DLG2: variants seen among roughly 807,000 people sequenced by gnomAD.
The protein encoded by DLG2 is discs large MAGUK scaffold protein 2.
Under a neutral mutation model 132.5 loss-of-function variants are expected in DLG2, and 45 were observed. The ratio of observed to expected loss-of-function variants is 0.34; its 90% CI spans 0.27 to 0.44. The LOEUF is 0.44. Ranked by LOEUF, DLG2 falls within the 20% of genes least tolerant of loss-of-function variation. The probability of loss-of-function intolerance (pLI) is 1.00; values close to 1 mark genes in which losing one functional copy is unlikely to be tolerated. For missense variants in DLG2, 1,045 were observed against 1,196.9 expected (o/e 0.87, Z 1.87); for synonymous variants, 424 against 419.6 (o/e 1.01, Z -0.13).
chr11:84,440,869 A>G (rs2154477415), intron 7 of DLG2, among the ~76,000 whole-genome samples: 1 of 152,294 alleles, frequency 6.6e-6, no homozygotes, highest in South Asian at 2.1e-4. Flanking sequence ...TGCCTAGCAC[A>G]TGAATGATTT....
chr11:83,930,858 G>A (rs1271253302), intron 14 of DLG2, among the ~76,000 whole-genome samples: 1 of 152,128 alleles, frequency 6.6e-6, no homozygotes, highest in Admixed American at 6.5e-5. Flanking sequence ...AGCTTCACTG[G>A]TCATCTTAGA....
chr11:85,523,710 C>A (rs2074505568), intron 3 of DLG2, among the ~76,000 whole-genome samples: 1 of 152,156 alleles, frequency 6.6e-6, no homozygotes, highest in Non-Finnish European at 1.5e-5. Context: ...ACCATACAAT[C>A]CAGACATCCC....
intron 7 of DLG2, among the ~76,000 whole-genome samples, chr11:84,267,329 G>T (rs1232420694): frequency 3.9e-5 from 6 of 152,188 alleles, no homozygotes; most frequent in Non-Finnish European, 8.8e-5. Context: ...CATGTCTTCT[G>T]GTTACTAGGC....
chr11:85,394,636 C>T (rs1333334366), intron 3 of DLG2, among the ~76,000 whole-genome samples: 1 of 152,136 alleles, frequency 6.6e-6, no homozygotes, highest in African/African-American at 2.4e-5. Context: ...TTTATTAACT[C>T]AAGACATTTA....
chr11:84,028,783 TC>T (rs768446214), intron 11 of DLG2, among the ~76,000 whole-genome samples: 5 of 152,124 alleles, frequency 3.3e-5, no homozygotes, highest in Non-Finnish European at 7.4e-5. Flanking sequence ...CTTCCTTTTC[TC>T]CCAGGTAGCA....
intron 3 of DLG2, among the ~76,000 whole-genome samples, chr11:85,540,027 A>G (rs1448915023): frequency 1.3e-5 from 2 of 152,086 alleles, no homozygotes; most frequent in Non-Finnish European, 2.9e-5. Context: ...CCATGGGCCC[A>G]CCTTTCAAAG....
At chr11:85,041,583 G>C (rs1467690490) in intron 6 of DLG2, among the ~76,000 whole-genome samples, 1 of 151,890 alleles carries the variant, frequency 6.6e-6, no homozygotes, top group Non-Finnish European at 1.5e-5. Context: ...CATAGAAAAT[G>C]TTTTAGAGAG....
chr11:83,759,453 C>T (rs1218595588), intron 18 of DLG2, among the ~76,000 whole-genome samples: 1 of 152,166 alleles, frequency 6.6e-6, no homozygotes, highest in Non-Finnish European at 1.5e-5. Context: ...CCCCCTTGGG[C>T]TTTCTTTTAA....
intron 6 of DLG2, among the ~76,000 whole-genome samples, chr11:84,761,408 T>G (rs2067614441): frequency 6.6e-6 from 1 of 152,162 alleles, no homozygotes; most frequent in Non-Finnish European, 1.5e-5. Context: ...TTGAAGGACC[T>G]GAAGTACTGT....
At chr11:85,226,053 T>C (rs1410099233) in intron 4 of DLG2, among the ~76,000 whole-genome samples, 2 of 152,042 alleles carry the variant, frequency 1.3e-5, no homozygotes, top group African/African-American at 4.8e-5. Flanking sequence ...CAAAATTGAA[T>C]TTCCAAATTT....
chr11:84,631,633 T>C (rs2099632337), intron 6 of DLG2, among the ~76,000 whole-genome samples: 1 of 152,088 alleles, frequency 6.6e-6, no homozygotes, highest in Admixed American at 6.6e-5. Flanking sequence ...GATATTACAA[T>C]AGGCCATACT....
At chr11:83,709,761 G>A (rs2084949580) in intron 18 of DLG2, among the ~76,000 whole-genome samples, 1 of 152,128 alleles carries the variant, frequency 6.6e-6, no homozygotes, top group South Asian at 2.1e-4. Flanking sequence ...GTATCTGGAA[G>A]TGATCCCCCC....
At chr11:83,928,840 A>T (rs943064313) in intron 15 of DLG2, among the ~76,000 whole-genome samples, 2 of 152,226 alleles carry the variant, frequency 1.3e-5, no homozygotes, top group Non-Finnish European at 2.9e-5. Flanking sequence ...AGAAGAGCTC[A>T]ATAAATGTTA....
chr11:85,095,271 G>T (rs2154177911), intron 6 of DLG2, among the ~76,000 whole-genome samples: 1 of 152,272 alleles, frequency 6.6e-6, no homozygotes, highest in African/African-American at 2.4e-5. Flanking sequence ...TATGCTGTTG[G>T]AAAAATGTTG....
chr11:83,991,618 C>A (rs1381795112), intron 11 of DLG2, among the ~76,000 whole-genome samples: 1 of 151,868 alleles, frequency 6.6e-6, no homozygotes, highest in Non-Finnish European at 1.5e-5. Context: ...ATTCCTCTGT[C>A]CTGTCCTGAA....
chr11:83,545,754 C>T (rs1348013106), intron 19 of DLG2, among the ~76,000 whole-genome samples: 1 of 152,016 alleles, frequency 6.6e-6, no homozygotes, highest in African/African-American at 2.4e-5. Flanking sequence ...GTTCTTTCCA[C>T]GAGCTCTATT....
intron 6 of DLG2, among the ~76,000 whole-genome samples, chr11:85,073,830 G>T (rs1350539495): frequency 1.3e-5 from 2 of 151,728 alleles, no homozygotes; most frequent in South Asian, 4.1e-4. Flanking sequence ...AGTCACAATA[G>T]CAAAGACATA....
At chr11:84,834,915 T>A (rs866435499) in intron 6 of DLG2, among the ~76,000 whole-genome samples, 3 of 151,052 alleles carry the variant, frequency 2.0e-5, no homozygotes, top group Admixed American at 6.6e-5. Context: ...AAAAAAAAAA[T>A]TTTTGGGAAA....
chr11:85,339,614 A>G (rs181016541), intron 3 of DLG2, among the ~76,000 whole-genome samples: 104 of 152,294 alleles, frequency 6.8e-4, no homozygotes, highest in African/African-American at 2.4e-3. Flanking sequence ...GCATTTGTTC[A>G]TATATTTCTG....
Sources: gnomAD v4.1 joint callset for allele counts (sites outside exome capture counted in the v4.1 genomes callset) on GRCh38, gnomAD v4.1.1 for gene constraint, MANE v1.5 for transcripts, NCBI Gene and HGNC (gene_info 2026-07-23, HGNC 2026-07-21) for gene names.